The following ME1 variants were observed in gnomAD, a reference collection of about 807,000 sequenced individuals.
ME1 encodes NADP-dependent malic enzyme.
In ME1, 74 loss-of-function variants were observed where a neutral mutation model predicts 66.4. That is an observed-to-expected ratio of 1.11 (90% CI 0.92 to 1.35). ME1 has a LOEUF of 1.35. ME1 is among the 40% of genes most tolerant of loss of function. The probability of loss-of-function intolerance (pLI) is 0.00; values close to 1 mark genes in which losing one functional copy is unlikely to be tolerated. For synonymous variants in ME1, 251 were observed against 235.6 expected (o/e 1.07, Z -0.60); for missense variants, 750 against 694.1 (o/e 1.08, Z -0.90).
At chr6:83,223,316 G>A (rs563358172) in intron 12 of ME1, among the ~76,000 whole-genome samples, 16 of 152,064 alleles carry the variant, frequency 1.1e-4, no homozygotes, top group African/African-American at 3.4e-4. Context: ...CACCATGCCC[G>A]GCTAATGTTT....
At chr6:83,329,139 T>C (rs1417099799) in intron 5 of ME1, among the ~76,000 whole-genome samples, 1 of 152,144 alleles carries the variant, frequency 6.6e-6, no homozygotes, top group Non-Finnish European at 1.5e-5. Flanking sequence ...TTATAAGTAT[T>C]TTTCTCATCA....
intron 3 of ME1, among the ~76,000 whole-genome samples, chr6:83,389,869 C>T (rs576913072): frequency 3.9e-4 from 60 of 152,122 alleles, no homozygotes; most frequent in Non-Finnish European, 7.1e-4. Context: ...AAGCAGATTG[C>T]ACTACCAAAT....
chr6:83,423,128 CAT>C (rs1028271081), intron 1 of ME1, among the ~76,000 whole-genome samples: 2 of 150,142 alleles, frequency 1.3e-5, no homozygotes, highest in African/African-American at 4.9e-5. Flanking sequence ...GTATTACAAA[CAT>C]ATATCAACTT....
intron 7 of ME1, among the ~76,000 whole-genome samples, chr6:83,250,897 C>G (rs77244516): frequency 0.064 from 9,686 of 152,194 alleles, 980 homozygotes; most frequent in African/African-American, 0.22. Flanking sequence ...CAGTGTCTAT[C>G]CCAGACTTAA....
intron 1 of ME1, among the ~76,000 whole-genome samples, chr6:83,414,740 A>C (rs2128552804): frequency 6.6e-6 from 1 of 152,334 alleles, no homozygotes; most frequent in South Asian, 2.1e-4. Flanking sequence ...TGTAAGGCTG[A>C]AAAATTGTTA....
intron 6 of ME1, among the ~76,000 whole-genome samples, chr6:83,290,878 G>C (rs1357920590): frequency 1.3e-5 from 2 of 151,760 alleles, no homozygotes; most frequent in Non-Finnish European, 2.9e-5. Context: ...TTATGTAATG[G>C]CCTTGTCTCT....
intron 6 of ME1, among the ~76,000 whole-genome samples, chr6:83,267,308 C>T (rs1457267509): frequency 6.6e-6 from 1 of 152,062 alleles, no homozygotes; most frequent in African/African-American, 2.4e-5. Context: ...TATCCACTGC[C>T]CTTCTAAGAA....
intron 3 of ME1, among the ~76,000 whole-genome samples, chr6:83,387,940 ACAT>A (rs1022225647): frequency 5.3e-5 from 8 of 152,150 alleles, no homozygotes; most frequent in Non-Finnish European, 1.0e-4. Context: ...CATTTTAACT[ACAT>A]CATCTACCAA....
chr6:83,239,943 G>A (rs1790480059), intron 7 of ME1, among the ~76,000 whole-genome samples: 1 of 152,056 alleles, frequency 6.6e-6, no homozygotes, highest in Non-Finnish European at 1.5e-5. Flanking sequence ...ACAACCCACT[G>A]ACTAGCTGAA....
chr6:83,268,983 G>A (rs936182617), intron 6 of ME1, among the ~76,000 whole-genome samples: 3 of 152,058 alleles, frequency 2.0e-5, no homozygotes, highest in African/African-American at 4.8e-5. Flanking sequence ...TGTTTGCTCA[G>A]TGGGATTTTG....
chr6:83,408,002 C>T (rs762403239), intron 1 of ME1, 101 bp from the exon 2 acceptor site: 42 of 1,342,670 alleles, frequency 3.1e-5, no homozygotes, highest in African/African-American at 1.6e-4. Context: ...ATTAAAAATC[C>T]GAAGTCTGCG....
chr6:83,429,891 A>G (rs1282474879), intron 1 of ME1, among the ~76,000 whole-genome samples: 1 of 152,196 alleles, frequency 6.6e-6, no homozygotes, highest in East Asian at 1.9e-4. Flanking sequence ...GCATTTTCAG[A>G]CTCCTGAATA....
rs34259968 is a variant in ME1 at position 83,350,971 on chromosome 6, CAAAAAAAAAAAA to C, written c.438+1081_438+1092del. Among the ~76,000 whole-genome samples the C allele has an allele frequency of 6.8e-4, 38 of 55,794 alleles. No homozygotes were observed. In the South Asian group the frequency reaches 0.01, roughly 15 times the overall value. The allele number at this position is 55,794 out of a possible 152,430, so 36.6% of individuals were successfully genotyped here. A position where few individuals can be genotyped will look rare whatever the true frequency, so the allele number is the denominator to read the frequency against. ...GAGGAAGCAACTTAGGTGGAGAAAG[CAAAAAAAAAAAA>C]AAAAAAAAAAAAAAAAATTGAGGAC... On this transcript the variant is annotated intron_variant, in intron 4 of 13. Transcript: ENST00000369705.
At chr6:83,411,385 C>T (rs1162481930) in intron 1 of ME1, among the ~76,000 whole-genome samples, 1 of 151,750 alleles carries the variant, frequency 6.6e-6, no homozygotes, top group East Asian at 1.9e-4. Context: ...AAAAACTAGT[C>T]CCATGACTGG....
intron 12 of ME1, among the ~76,000 whole-genome samples, chr6:83,219,868 G>A (rs907797624): frequency 6.6e-5 from 10 of 151,386 alleles, no homozygotes; most frequent in African/African-American, 1.5e-4. Context: ...GATTACAGAC[G>A]TGAGCCACTG....
chr6:83,319,155 G>T, intron 5 of ME1, among the ~76,000 whole-genome samples: 1 of 149,310 alleles, frequency 6.7e-6, no homozygotes, highest in Admixed American at 6.7e-5. Flanking sequence ...GACTGTTGTG[G>T]GGTCAGGGGA....
At chr6:83,377,173 C>G (rs2128548032) in intron 3 of ME1, among the ~76,000 whole-genome samples, 1 of 152,192 alleles carries the variant, frequency 6.6e-6, no homozygotes, top group African/African-American at 2.4e-5. Flanking sequence ...CTTTTGGAGA[C>G]AGTTTTCAGA....
At chr6:83,257,291 G>A (rs2128528834) in intron 6 of ME1, among the ~76,000 whole-genome samples, 1 of 151,742 alleles carries the variant, frequency 6.6e-6, no homozygotes, top group South Asian at 2.1e-4. Context: ...GTATATTTCA[G>A]AAAGAACAAA....
intron 7 of ME1, among the ~76,000 whole-genome samples, chr6:83,244,005 G>A (rs190498804): frequency 1.6e-4 from 24 of 150,500 alleles, no homozygotes; most frequent in Admixed American, 9.4e-4. Context: ...TCATTTTCTG[G>A]AAAGGGTCAT....
Sources: allele counts gnomAD v4.1 joint callset (sites outside exome capture counted in the v4.1 genomes callset), GRCh38; gene constraint gnomAD v4.1.1; transcripts MANE v1.5; gene names NCBI Gene and HGNC (gene_info 2026-07-23, HGNC 2026-07-21).